Variants in PIK3C2G observed in about 807,000 individuals in gnomAD.
PIK3C2G encodes phosphatidylinositol-4-phosphate 3-kinase catalytic subunit type 2 gamma, also known as phosphatidylinositol 3-kinase C2 domain-containing subunit gamma.
Under a neutral mutation model 181.1 loss-of-function variants are expected in PIK3C2G, and 168 were observed. The ratio of observed to expected loss-of-function variants is 0.93; its 90% CI spans 0.82 to 1.05. The LOEUF (loss-of-function observed/expected upper bound fraction) is 1.05, where lower values mean the gene tolerates loss of function less well. Ranked by LOEUF, PIK3C2G falls within the 50% of genes least tolerant of loss-of-function variation. The probability of loss-of-function intolerance (pLI) is 0.00; values close to 1 mark genes in which losing one functional copy is unlikely to be tolerated. For synonymous variants in PIK3C2G, 573 were observed against 592.2 expected (o/e 0.97, Z 0.47); for missense variants, 1,869 against 1,732.8 (o/e 1.08, Z -1.40).
At chr12:18,640,575 G>A (rs1396515687) in intron 32 of PIK3C2G, 21 bp downstream of exon 32, 5 of 1,566,704 alleles carry the variant, frequency 3.2e-6, no homozygotes, top group Non-Finnish European at 4.3e-6. Context: ...GTCACCTTTT[G>A]TCCAGTCATT....
At chr12:18,519,809 T>A (rs559980596) in intron 24 of PIK3C2G, among the ~76,000 whole-genome samples, 1 of 152,048 alleles carries the variant, frequency 6.6e-6, no homozygotes, top group East Asian at 1.9e-4. Flanking sequence ...TTCTTCACAG[T>A]GTCATTAGTC....
chr12:18,276,983 A>G (rs2137089292), intron 1 of PIK3C2G, among the ~76,000 whole-genome samples: 1 of 152,348 alleles, frequency 6.6e-6, no homozygotes, highest in Non-Finnish European at 1.5e-5. Context: ...ATAAAAGGGC[A>G]GCTAATCAAG....
At chr12:18,500,437 T>A (rs1181671336) in intron 22 of PIK3C2G, among the ~76,000 whole-genome samples, 3 of 152,182 alleles carry the variant, frequency 2.0e-5, no homozygotes, top group South Asian at 2.1e-4. Context: ...CAAGCCTCCA[T>A]GTGCTCCTGT....
In PIK3C2G at chr12:18,640,498, C is replaced by T. The variant is rs187869576; in HGVS notation, c.4252C>T (p.Arg1418Cys). 6.0e-5 allele frequency: 96 copies of T among 1,606,260 alleles called. No individual in the cohort carries two copies. In the East Asian group the frequency reaches 8.1e-4, roughly 14 times the overall value. ...TCTTTTACCATATCCCAGTGAAGTTCGTAGGAGGAAAACAAAATCTGTTCC... is the reference window on the plus strand; with the variant it reads ...TCTTTTACCATATCCCAGTGAAGTTTGTAGGAGGAAAACAAAATCTGTTCC... ...FYLLPYPSEVRRRKTKSVPKC... is the reference protein window; with the variant it reads ...FYLLPYPSEVCRRKTKSVPKC... Residue 1418 changes from arginine (R) to cysteine (C), a missense_variant, in exon 32 of 33, where the codon CGT (arginine) becomes TGT (cysteine). Physicochemically the swap from Arg to Cys is radical, Grantham distance 180. Transcript: ENST00000538779.
At chr12:18,303,295 C>A (rs1040257166) in intron 5 of PIK3C2G, among the ~76,000 whole-genome samples, 1 of 146,312 alleles carries the variant, frequency 6.8e-6, no homozygotes, top group African/African-American at 2.5e-5. Flanking sequence ...TTCTTTCTTT[C>A]TTTCTCTTTC....
intron 18 of PIK3C2G, among the ~76,000 whole-genome samples, chr12:18,469,915 CTT>C (rs34001401): frequency 1.2e-3 from 167 of 141,788 alleles, no homozygotes; most frequent in Middle Eastern, 0.011. Context: ...ACCTGCTACT[CTT>C]TTTTTTTTTT....
the PIK3C2G span, chr12:18,683,987 A>G: frequency 3.9e-4 from 408 of 1,045,508 alleles, no homozygotes; most frequent in Non-Finnish European, 5.0e-4. Flanking sequence ...ATAATTCCAC[A>G]GAGAAAAAAT....
At chr12:18,698,318 T>C in the PIK3C2G span, among the ~76,000 whole-genome samples, 1 of 151,842 alleles carries the variant, frequency 6.6e-6, no homozygotes, top group East Asian at 1.9e-4. Context: ...TCCCATTCCA[T>C]TCTACTCTAT....
At chr12:18,514,998 A>G (rs1388535136) in intron 24 of PIK3C2G, among the ~76,000 whole-genome samples, 2 of 152,048 alleles carry the variant, frequency 1.3e-5, no homozygotes, top group South Asian at 2.1e-4. Context: ...TGAAGCAATT[A>G]TATGATTTGT....
At chr12:18,508,534 A>C (rs1374672) in intron 24 of PIK3C2G, among the ~76,000 whole-genome samples, 91,393 of 151,946 alleles carry the variant, frequency 0.6, 28,015 homozygotes, top group East Asian at 0.93. Flanking sequence ...GATAAATGAA[A>C]GTGCTTATTT....
rs186842742 is a variant in PIK3C2G, at chr12:18,350,109, A to G, written c.1625+3273A>G. On this transcript the variant is annotated intron_variant, in intron 11 of 32. Transcript: ENST00000538779. The stretch of plus-strand genomic sequence containing the variant: ...TCCAAGGAAGCCAAGAAAATATTAC[A>G]ATAGAGGTACAAAGCTAAGTGCCTG... Among the ~76,000 whole-genome samples, 22 of 152,286 alleles carry G rather than the reference A, an allele frequency of 1.4e-4. No homozygotes were observed. The East Asian group carries it at 4.3e-3, about 29-fold the overall frequency.
In PIK3C2G at chr12:18,562,742, G is replaced by T. The variant is rs201105623; in HGVS notation, c.3630G>T (p.Leu1210Phe). The change falls in exon 27 of 33, where the codon TTG (leucine) becomes TTT (phenylalanine). Residue 1210 changes from leucine to phenylalanine, a missense_variant. By Grantham distance (22) the Leu-to-Phe change is conservative. Transcript: ENST00000538779. ...KESLECFPVK[L>F]NNLIHTLAQM... is the part of the protein sequence containing the mutation. ...GTCTGGAGTGTTTCCCTGTTAAATT[G>T]AATAACTTGATCCACACACTTGCAC... The T allele has an allele frequency of 6.8e-5, 109 of 1,605,662 alleles. 1 individual carries two copies. The South Asian group carries it at 1.2e-3, about 18-fold the overall frequency.
rs1939086127 is a variant in PIK3C2G at position 18,340,998 on chromosome 12, A to G, written c.1396-2329A>G. ...ATATGAACCACTGCCAGAGGAGGAAACCAGATGTGTGGATGTCGACACGTC... is the reference window on the plus strand; with the variant it reads ...ATATGAACCACTGCCAGAGGAGGAAGCCAGATGTGTGGATGTCGACACGTC... On this transcript the variant is annotated intron_variant, in intron 9 of 32. Coordinates refer to ENST00000538779, the MANE Select transcript of PIK3C2G (RefSeq NM_001288772.2). 2.0e-5 allele frequency among the ~76,000 whole-genome samples: 3 copies of G among 152,276 alleles called. No homozygotes were observed. In the South Asian group the frequency reaches 6.2e-4, roughly 32 times the overall value.
At chr12:18,374,990 T>C (rs1242373991) in intron 13 of PIK3C2G, among the ~76,000 whole-genome samples, 1 of 152,206 alleles carries the variant, frequency 6.6e-6, no homozygotes, top group African/African-American at 2.4e-5. Flanking sequence ...TAAACTCTTC[T>C]CTTTTAAATT....
chr12:18,503,479 T>C, intron 23 of PIK3C2G, 62 bp downstream of exon 23: 1 of 1,190,706 alleles, frequency 8.4e-7, no homozygotes. Context: ...TCTGGTTCAT[T>C]AGATATTCTG....
chr12:18,562,795 C>T lies in PIK3C2G; in HGVS notation c.3683C>T (p.Ser1228Phe), dbSNP rs1190911200. The change falls in exon 27 of 33, where the codon TCT (serine) becomes TTT (phenylalanine). Residue 1228 changes from serine (S) to phenylalanine (F), a missense_variant. Physicochemically the swap from Ser to Phe is radical, Grantham distance 155. Coordinates refer to ENST00000538779, the MANE Select transcript of PIK3C2G (RefSeq NM_001288772.2). ...ATGTCAGCCATAAGCCCTGCCAAATCTACTTCACAGACTTTTCCTCAGGAA... is the reference window on the plus strand; with the variant it reads ...ATGTCAGCCATAAGCCCTGCCAAATTTACTTCACAGACTTTTCCTCAGGAA... ...AQMSAISPAK[S>F]TSQTFPQESC... The T allele has an allele frequency of 6.2e-7, 1 of 1,608,052 alleles. No homozygotes were observed. Among genetic ancestry groups the T allele is most frequent in the East Asian group, 2.2e-5 (1 of 44,802 alleles).
At chr12:18,402,691 C>G (rs1354593823) in intron 16 of PIK3C2G, among the ~76,000 whole-genome samples, 1 of 152,074 alleles carries the variant, frequency 6.6e-6, no homozygotes, top group African/African-American at 2.4e-5. Context: ...TAATACTGCT[C>G]TGTTTACTCA....
chr12:18,387,468 T>C (rs1398182894), intron 14 of PIK3C2G, among the ~76,000 whole-genome samples: 2 of 152,162 alleles, frequency 1.3e-5, no homozygotes, highest in Non-Finnish European at 2.9e-5. Flanking sequence ...ACATGCACTG[T>C]CTTGCTTTCA....
At chr12:18,394,703 A>C (rs1182013762) in intron 15 of PIK3C2G, among the ~76,000 whole-genome samples, 1 of 152,004 alleles carries the variant, frequency 6.6e-6, no homozygotes, top group Admixed American at 6.6e-5. Flanking sequence ...ATGCAAGAAA[A>C]AAAGAACGGT....
Sources: gnomAD v4.1 joint callset for allele counts (sites outside exome capture counted in the v4.1 genomes callset) on GRCh38, gnomAD v4.1.1 for gene constraint, MANE v1.5 for transcripts, NCBI Gene and HGNC (gene_info 2026-07-23, HGNC 2026-07-21) for gene names.